The following CDH17 variants were observed in gnomAD, a reference collection of about 807,000 sequenced individuals.
CDH17 encodes cadherin-17.
A neutral mutation model predicts 86.3 loss-of-function variants in CDH17; 67 were observed. That is an observed-to-expected ratio of 0.78 (90% CI 0.64 to 0.95). The LOEUF (loss-of-function observed/expected upper bound fraction) is 0.95. Ranked by LOEUF, CDH17 falls within the 40% of genes least tolerant of loss-of-function variation. The pLI is 0.00. For missense variants in CDH17, 993 were observed against 1,017.6 expected (o/e 0.98, Z 0.33); for synonymous variants, 367 against 366.4 (o/e 1.00, Z -0.02).
upstream of CDH17, among the ~76,000 whole-genome samples, chr8:94,211,788 A>G (rs76285338): frequency 0.012 from 1,873 of 152,346 alleles, 36 homozygotes; most frequent in African/African-American, 0.043. Context: ...TATTTTAATT[A>G]CTTAATATCT....
At chr8:94,179,046 T>TTA (rs5893267) in intron 3 of CDH17, among the ~76,000 whole-genome samples, 2 of 139,032 alleles carry the variant, frequency 1.4e-5, no homozygotes, top group Non-Finnish European at 3.1e-5. Context: ...GAATGTTTAT[T>TTA]AAAAAAAAAA....
At chr8:94,176,286 A>G (rs901602230) in intron 5 of CDH17, among the ~76,000 whole-genome samples, 1 of 152,198 alleles carries the variant, frequency 6.6e-6, no homozygotes, top group Non-Finnish European at 1.5e-5. Context: ...GGATGCTGCC[A>G]ATCATCCTAC....
chr8:94,152,241 G>T, intron 12 of CDH17, 129 bp from the exon 13 acceptor site: 4 of 947,946 alleles, frequency 4.2e-6, no homozygotes, highest in Non-Finnish European at 6.2e-6. Flanking sequence ...CCACATGTGG[G>T]AGAATGAAAT....
intron 3 of CDH17, among the ~76,000 whole-genome samples, chr8:94,186,450 A>T (rs1813582277): frequency 6.6e-6 from 1 of 152,216 alleles, no homozygotes; most frequent in Non-Finnish European, 1.5e-5. Context: ...CACTCCTCAC[A>T]GACTGCACCT....
At position 94,165,878 on chromosome 8, in the gene CDH17, G is replaced by A. The variant is rs773823130; in HGVS notation, c.1165C>T (p.Pro389Ser). The part of the protein sequence containing the change: ...YRIVEQTPKL[P>S]MDGLFLIQTY... ...TGGATTAGGAAGAGTCCATCCATGG[G>A]AAGTTTGGGAGTTTGCTCCACAATC... Residue 389 changes from proline to serine, a missense_variant, in exon 10 of 18, where the codon CCC becomes TCC. Physicochemically the swap from Pro to Ser is moderately conservative, Grantham distance 74 (BLOSUM62 -1). Transcript: ENST00000027335. The A allele has an allele frequency of 1.2e-6, 2 of 1,613,720 alleles. No homozygotes were observed. The highest frequency in any genetic ancestry group is 2.2e-5 in the East Asian group (1 of 44,840).
rs1308601250 is a variant in CDH17, at chr8:94,127,506, C to A, written c.*734G>T. The A allele has an allele frequency of 6.6e-6, 1 of 152,168 alleles. No homozygotes were observed. Among genetic ancestry groups the A allele is most frequent in the African/African-American group, 2.4e-5 (1 of 41,464 alleles). The allele number at this position is 152,168 out of a possible 1,614,324, so 9.4% of individuals were successfully genotyped here. On this transcript the variant is annotated 3_prime_UTR_variant, in exon 18 of 18. Transcript: ENST00000027335. ...GTTAATACTAAGGGAAAAGGCTGTT[C>A]TTTTATTTATTTATTTTTCCTGAGT...
intron 3 of CDH17, among the ~76,000 whole-genome samples, chr8:94,184,493 G>A (rs1364854798): frequency 1.3e-5 from 2 of 152,186 alleles, no homozygotes; most frequent in Non-Finnish European, 2.9e-5. Context: ...TATGTTGTAT[G>A]ATTCCATTTA....
chr8:94,205,162 C>A (rs1554591353), intron 1 of CDH17, among the ~76,000 whole-genome samples: 1 of 152,144 alleles, frequency 6.6e-6, no homozygotes, highest in Non-Finnish European at 1.5e-5. Context: ...TAGAAGGTGG[C>A]AGGGGGAGAC....
intron 15 of CDH17, among the ~76,000 whole-genome samples, chr8:94,139,526 C>T (rs1199907495): frequency 6.6e-6 from 1 of 152,146 alleles, no homozygotes; most frequent in African/African-American, 2.4e-5. Context: ...ATATGAACAT[C>T]AAATTACTTA....
In CDH17 at chr8:94,165,886, G is replaced by T. The variant is rs766588534; in HGVS notation, c.1157C>A (p.Pro386His). 6.2e-7 allele frequency: 1 copy of T among 1,613,768 alleles called. No homozygotes were observed. The highest frequency in any genetic ancestry group is 1.1e-5 in the South Asian group (1 of 91,060). ...FLNYRIVEQT[P>H]KLPMDGLFLI... ...GAAGAGTCCATCCATGGGAAGTTTGGGAGTTTGCTCCACAATCCTGTAGTT... is the reference window on the plus strand; with the variant it reads ...GAAGAGTCCATCCATGGGAAGTTTGTGAGTTTGCTCCACAATCCTGTAGTT... Residue 386 changes from proline (P) to histidine (H), a missense_variant, in exon 10 of 18, where the codon CCC becomes CAC. Physicochemically the swap from Pro to His is moderately conservative, Grantham distance 77 (BLOSUM62 -2). Transcript: ENST00000027335.
intron 5 of CDH17, among the ~76,000 whole-genome samples, chr8:94,175,972 T>G (rs1438967949): frequency 6.6e-6 from 1 of 152,132 alleles, no homozygotes; most frequent in Non-Finnish European, 1.5e-5. Context: ...TACTGCAGCC[T>G]CAATCTCCTG....
chr8:94,148,193 A>G (rs1181300448), intron 14 of CDH17, among the ~76,000 whole-genome samples: 1 of 152,128 alleles, frequency 6.6e-6, no homozygotes, highest in Non-Finnish European at 1.5e-5. Context: ...CCTACAGGAA[A>G]CCACAGAGTG....
rs146265822 is a variant in CDH17 at position 94,174,158 on chromosome 8, T to C, written c.527A>G (p.Asn176Ser). Residue 176 changes from asparagine (N) to serine (S), a missense_variant, in exon 6 of 18, where the codon AAT (asparagine) becomes AGT (serine). By Grantham distance (46) the Asn-to-Ser change is conservative (BLOSUM62 1). Transcript: ENST00000027335. Reference protein sequence around the residue: ...QIVIQLPMINNVMYFQINNKT... With the variant: ...QIVIQLPMINSVMYFQINNKT... ...GTTGTTGATCTGAAAGTACATGACA[T>C]TGTTGATCATGGGAAGCTGGATGAC... The C allele has an allele frequency of 9.2e-5, 149 of 1,613,654 alleles. No homozygotes were observed. In the African/African-American group the frequency reaches 1.4e-3, roughly 16 times the overall value.
chr8:94,148,296 C>T (rs1168240446), intron 14 of CDH17, among the ~76,000 whole-genome samples: 1 of 152,118 alleles, frequency 6.6e-6, no homozygotes, highest in Non-Finnish European at 1.5e-5. Flanking sequence ...AATCCCAGCA[C>T]TTTGGGAGGT....
Position 94,208,182 on chromosome 8 carries a change from T to C in CDH17, c.-21+301A>G, listed in dbSNP as rs535527287. 6.6e-5 allele frequency among the ~76,000 whole-genome samples: 10 copies of C among 152,354 alleles called. 1 individual carries two copies. Among genetic ancestry groups the C allele is most frequent in the African/African-American group, 2.4e-4 (10 of 41,588 alleles). On this transcript the variant is annotated intron_variant, in intron 1 of 17. Coordinates refer to ENST00000027335, the MANE Select transcript of CDH17 (RefSeq NM_004063.4). ...CATCACAAAGAATGGATGTGATACT[T>C]GTTTAAACATCAGAGAACTCAATTT...
intron 1 of CDH17, among the ~76,000 whole-genome samples, chr8:94,216,486 CACTT>C (rs1324740080): frequency 6.6e-6 from 1 of 151,866 alleles, no homozygotes; most frequent in Non-Finnish European, 1.5e-5. Flanking sequence ...GCTGGAGTCT[CACTT>C]AGCCCACATG....
chr8:94,171,079 G>A (rs986186384), intron 7 of CDH17, 94 bp from the exon 8 acceptor site: 54 of 1,295,568 alleles, frequency 4.2e-5, no homozygotes, highest in Non-Finnish European at 5.6e-5. Context: ...TGAAATCTCT[G>A]ACAACCTTGT....
intron 1 of CDH17, among the ~76,000 whole-genome samples, chr8:94,200,978 G>C (rs1813900471): frequency 6.6e-6 from 1 of 152,120 alleles, no homozygotes; most frequent in South Asian, 2.1e-4. Context: ...GAAATTAAGA[G>C]ACTTGCCCAA....
chr8:94,162,757 T>C (rs911793727), intron 10 of CDH17, among the ~76,000 whole-genome samples: 1 of 152,248 alleles, frequency 6.6e-6, no homozygotes, highest in African/African-American at 2.4e-5. Context: ...CCTGGAGAAA[T>C]CACCCAGGCT....
Sources: allele counts gnomAD v4.1 joint callset (sites outside exome capture counted in the v4.1 genomes callset), GRCh38; gene constraint gnomAD v4.1.1; transcripts MANE v1.5; gene names NCBI Gene and HGNC (gene_info 2026-07-23, HGNC 2026-07-21).